ZNF423: variants seen among roughly 807,000 people sequenced by gnomAD.
The protein encoded by ZNF423 is zinc finger protein 423.
ZNF423 carries 12 observed loss-of-function variants against 95.8 expected under a neutral mutation model. The ratio of observed to expected loss-of-function variants is 0.13; its 90% CI spans 0.08 to 0.20. ZNF423 has a LOEUF of 0.20. Ranked by LOEUF, ZNF423 falls within the 10% of genes least tolerant of loss-of-function variation. The probability of loss-of-function intolerance (pLI) is 1.00; values close to 1 mark genes in which losing one functional copy is unlikely to be tolerated. For missense variants in ZNF423, 1,316 were observed against 1,737.1 expected, an observed-to-expected ratio of 0.76 and a Z score of 4.31; for synonymous variants, 749 against 711.9, an observed-to-expected ratio of 1.05 and a Z score of -0.83.
chr16:49,644,122 C>T (rs1003027817), intron 3 of ZNF423, among the ~76,000 whole-genome samples: 1 of 152,136 alleles, frequency 6.6e-6, no homozygotes, highest in Non-Finnish European at 1.5e-5. Context: ...GTGCTCGGGC[C>T]AAGGCAGGAG....
chr16:49,760,265 G>A (rs1262028532), intron 2 of ZNF423, among the ~76,000 whole-genome samples: 1 of 132,474 alleles, frequency 7.5e-6, no homozygotes. Flanking sequence ...ATTAATGAAT[G>A]GATGGATGAA....
At chr16:49,780,078 G>C (rs910375816) in intron 2 of ZNF423, among the ~76,000 whole-genome samples, 1 of 152,324 alleles carries the variant, frequency 6.6e-6, no homozygotes, top group South Asian at 2.1e-4. Context: ...CCGTGGAAGC[G>C]AAGTCATCAG....
At chr16:49,675,975 T>C (rs1034689540) in intron 3 of ZNF423, among the ~76,000 whole-genome samples, 2 of 152,168 alleles carry the variant, frequency 1.3e-5, no homozygotes, top group Non-Finnish European at 2.9e-5. Flanking sequence ...TACATATGCA[T>C]GGACACACTC....
chr16:49,830,292 C>T (rs900846157), intron 1 of ZNF423, among the ~76,000 whole-genome samples: 3 of 152,038 alleles, frequency 2.0e-5, no homozygotes, highest in East Asian at 1.9e-4. Flanking sequence ...GAGTTGAGGC[C>T]GGGGGACTGA....
At chr16:49,750,900 C>T (rs533745834) in intron 2 of ZNF423, among the ~76,000 whole-genome samples, 83 of 152,272 alleles carry the variant, frequency 5.5e-4, no homozygotes, top group African/African-American at 1.9e-3. Context: ...TGGGGAGCAG[C>T]AAGCACAAAG....
intron 5 of ZNF423, among the ~76,000 whole-genome samples, chr16:49,542,009 T>G (rs1057311782): frequency 2.6e-5 from 4 of 152,202 alleles, no homozygotes; most frequent in Non-Finnish European, 5.9e-5. Context: ...TTTTAAAAAT[T>G]TTAATCCACT....
chr16:49,738,503 T>A (rs928443174), intron 2 of ZNF423, among the ~76,000 whole-genome samples: 44 of 151,914 alleles, frequency 2.9e-4, no homozygotes, highest in Admixed American at 2.9e-3. Flanking sequence ...CTCTCCAACC[T>A]CACAGTGGGG....
At chr16:49,523,020 C>A (rs867820451) in intron 7 of ZNF423, among the ~76,000 whole-genome samples, 5 of 152,242 alleles carry the variant, frequency 3.3e-5, no homozygotes, top group Middle Eastern at 3.4e-3. Flanking sequence ...CTGGGAAGAC[C>A]GTCACACCAG....
chr16:49,552,722 A>G (rs1411852522), intron 5 of ZNF423, among the ~76,000 whole-genome samples: 3 of 152,150 alleles, frequency 2.0e-5, no homozygotes, highest in Non-Finnish European at 4.4e-5. Flanking sequence ...CGTGTCATTC[A>G]GGAAGGGCAA....
chr16:49,851,568 GT>G (rs1179228517), intron 1 of ZNF423, among the ~76,000 whole-genome samples: 1 of 152,098 alleles, frequency 6.6e-6, no homozygotes, highest in African/African-American at 2.4e-5. Flanking sequence ...TGCCTTCCTG[GT>G]TCCCCCTCCT....
At chr16:49,742,616 G>A (rs1356705960) in intron 2 of ZNF423, among the ~76,000 whole-genome samples, 1 of 152,074 alleles carries the variant, frequency 6.6e-6, no homozygotes, top group African/African-American at 2.4e-5. Flanking sequence ...CTGGGAAGGG[G>A]GAGATGGGGG....
At position 49,638,254 on chromosome 16, in the gene ZNF423, A is replaced by G. The variant is rs1456297639; in HGVS notation, c.922T>C (p.Cys308Arg). ...TTCTCGTCGACGAAGACCTCAGGGCAGTGAATGCACTGCAGGTCCGCCTTC... is the reference window on the plus strand; with the variant it reads ...TTCTCGTCGACGAAGACCTCAGGGCGGTGAATGCACTGCAGGTCCGCCTTC... ...SEKADLQCIH[C>R]PEVFVDENTL... The change falls in exon 4 of 8, where the codon TGC becomes CGC. Residue 308 changes from cysteine (C) to arginine (R), a missense_variant. By Grantham distance (180) the Cys-to-Arg change is radical. This residue lies in a region of ZNF423 where 399 missense variants were observed against 478.5 expected (regional missense o/e 0.83). Transcript: ENST00000563137. The surrounding 1 kb of genome is among the most constrained non-coding windows in gnomAD (Gnocchi z 5.6). 6.2e-7 allele frequency: 1 copy of G among 1,612,338 alleles called. No homozygotes were observed. The highest frequency in any genetic ancestry group is 1.1e-5 in the South Asian group (1 of 91,084).
At chr16:49,552,245 C>G (rs1969667548) in intron 5 of ZNF423, among the ~76,000 whole-genome samples, 1 of 152,218 alleles carries the variant, frequency 6.6e-6, no homozygotes, top group Non-Finnish European at 1.5e-5. Flanking sequence ...TACCAGCTCC[C>G]TCTGCCACTG....
intron 3 of ZNF423, among the ~76,000 whole-genome samples, chr16:49,708,892 GA>G (rs1160103574): frequency 1.3e-5 from 2 of 152,128 alleles, no homozygotes; most frequent in East Asian, 3.9e-4. Context: ...TTTGTTGAAT[GA>G]ATGAATGAAC....
At position 49,637,191 on chromosome 16, in the gene ZNF423, T is replaced by G; in HGVS notation, c.1985A>C (p.His662Pro). The G allele has an allele frequency of 6.2e-7, 1 of 1,613,920 alleles. No homozygotes were observed. Among genetic ancestry groups the G allele is most frequent in the East Asian group, 2.2e-5 (1 of 44,878 alleles). ...FESFQTHLKLHLELLLRKQAC... is the reference protein window; with the variant it reads ...FESFQTHLKLPLELLLRKQAC... The stretch of plus-strand genomic sequence containing the variant: ...TTGCTTCCGCAGCAGCAGCTCCAGG[T>G]GCAGCTTCAGGTGGGTCTGGAAGCT... The change falls in exon 4 of 8, where the codon CAC (histidine) becomes CCC (proline). Residue 662 changes from histidine (H) to proline (P), a missense_variant. Physicochemically the swap from His to Pro is moderately conservative, Grantham distance 77. This residue lies in a region of ZNF423 where 620 missense variants were observed against 775.6 expected (regional missense o/e 0.80). Transcript: ENST00000563137. This position sits in a 1 kb window ranked among gnomAD's most constrained non-coding sequence, Gnocchi z 5.6.
chr16:49,728,806 C>T (rs932502113), intron 3 of ZNF423, among the ~76,000 whole-genome samples: 5 of 152,164 alleles, frequency 3.3e-5, no homozygotes, highest in African/African-American at 1.2e-4. Flanking sequence ...GATCTTGGCT[C>T]ACCGCAACCT....
At chr16:49,786,284 G>A (rs572849827) in intron 2 of ZNF423, among the ~76,000 whole-genome samples, 2 of 152,364 alleles carry the variant, frequency 1.3e-5, no homozygotes, top group East Asian at 1.9e-4. Flanking sequence ...TTCTGGGGGC[G>A]GAGGGCCACA....
intron 3 of ZNF423, among the ~76,000 whole-genome samples, chr16:49,657,864 T>C (rs1455632711): frequency 1.3e-5 from 2 of 152,174 alleles, no homozygotes; most frequent in Non-Finnish European, 2.9e-5. Context: ...TTGGAAGCCA[T>C]GTCTTTCAGC....
chr16:49,672,990 G>A (rs955184093), intron 3 of ZNF423, among the ~76,000 whole-genome samples: 11 of 152,184 alleles, frequency 7.2e-5, no homozygotes, highest in African/African-American at 2.7e-4. Flanking sequence ...AACCCTGAGT[G>A]GCATTCCCAC....
Sources: allele counts gnomAD v4.1 joint callset (sites outside exome capture counted in the v4.1 genomes callset), GRCh38; gene constraint gnomAD v4.1.1; regional missense constraint gnomAD v4.1.1; non-coding constraint Gnocchi (gnomAD v3.1); transcripts MANE v1.5; gene names NCBI Gene and HGNC (gene_info 2026-07-23, HGNC 2026-07-21).